Variants in PREX2 observed in about 807,000 individuals in gnomAD.
The protein encoded by PREX2 is phosphatidylinositol-3,4,5-trisphosphate dependent Rac exchange factor 2, also known as phosphatidylinositol 3,4,5-trisphosphate-dependent Rac exchanger 2 protein.
PREX2 carries 107 observed loss-of-function variants against 203.2 expected under a neutral mutation model. The ratio of observed to expected loss-of-function variants is 0.53; its 90% CI spans 0.45 to 0.62. PREX2 has a LOEUF of 0.62. Among genes scored for constraint, PREX2 ranks in the 20% least tolerant of loss-of-function variants. The probability of loss-of-function intolerance (pLI) is 0.00; values close to 1 mark genes in which losing one functional copy is unlikely to be tolerated. For synonymous variants in PREX2, 672 were observed against 663.6 expected (o/e 1.01, Z -0.19); for missense variants, 1,777 against 1,955.9 (o/e 0.91, Z 1.72).
At chr8:67,961,935 G>A (rs1287327556) in intron 1 of PREX2, among the ~76,000 whole-genome samples, 1 of 152,032 alleles carries the variant, frequency 6.6e-6, no homozygotes, top group Non-Finnish European at 1.5e-5. Context: ...TCATTTGAAA[G>A]GTTAAATTGT....
chr8:68,135,914 A>G (rs765702977), intron 32 of PREX2, among the ~76,000 whole-genome samples: 1 of 152,196 alleles, frequency 6.6e-6, no homozygotes, highest in Non-Finnish European at 1.5e-5. Flanking sequence ...TGGAGTACTG[A>G]TACATGCTAC....
At chr8:68,099,126 A>G (rs1005489459) in intron 22 of PREX2, among the ~76,000 whole-genome samples, 3 of 151,966 alleles carry the variant, frequency 2.0e-5, no homozygotes, top group Non-Finnish European at 2.9e-5. Context: ...TAATGCTTTT[A>G]TCAGCAAGAG....
intron 35 of PREX2, among the ~76,000 whole-genome samples, chr8:68,182,445 C>G (rs1423438726): frequency 1.3e-5 from 2 of 151,956 alleles, no homozygotes; most frequent in African/African-American, 4.8e-5. Flanking sequence ...TAAATACTTT[C>G]CTTTAAGTAT....
At chr8:68,058,981 TA>T (rs68011008) in intron 10 of PREX2, among the ~76,000 whole-genome samples, 35 of 145,962 alleles carry the variant, frequency 2.4e-4, no homozygotes, top group African/African-American at 7.7e-4. Context: ...AATAAAAGAA[TA>T]AAAAAAAATT....
At position 68,233,738 on chromosome 8, in the gene PREX2, A is replaced by G. The variant is rs1813214050; in HGVS notation, c.*2360A>G. On this transcript the variant is annotated 3_prime_UTR_variant, in exon 40 of 40. Coordinates refer to ENST00000288368, the MANE Select transcript of PREX2 (RefSeq NM_024870.4). ...CGCCCATTTTTAGAGTTGAGGAACC[A>G]AAGCAAAGAATAACCCAGTGACTTG... is the stretch of plus-strand genomic sequence containing the variant. 1 of 152,186 alleles carries G rather than the reference A, an allele frequency of 6.6e-6. No homozygotes were observed. Among genetic ancestry groups the G allele is most frequent in the Admixed American group, 6.5e-5 (1 of 15,280 alleles). 9.4% of individuals were successfully genotyped at this position (152,186 alleles called of 1,614,324 possible). A position where few individuals can be genotyped will look rare whatever the true frequency, so the allele number is the denominator to read the frequency against.
intron 8 of PREX2, among the ~76,000 whole-genome samples, chr8:68,048,541 A>C (rs1309137222): frequency 6.6e-6 from 1 of 152,032 alleles, no homozygotes; most frequent in Admixed American, 6.6e-5. Context: ...CTCTCCCTTT[A>C]TATATAAATA....
At chr8:67,973,606 G>T (rs10504413) in intron 1 of PREX2, among the ~76,000 whole-genome samples, 33,565 of 151,860 alleles carry the variant, frequency 0.22, 4,794 homozygotes, top group East Asian at 0.54. Flanking sequence ...TTATCTTCTT[G>T]TCACTTCCTA....
At position 68,038,245 on chromosome 8, in the gene PREX2, G is replaced by A. The variant is rs1393403296; in HGVS notation, c.792G>A (p.Val264=). ...CTTCTGGAAATATTCAAGAACGGGT[G>A]TTTTTTCTTTTCGATAATCTTTTGG... ...KISSGNIQER[V]FFLFDNLLVY... The change falls in exon 7 of 40, where the codon GTG becomes GTA. Residue 264 remains valine (V), a synonymous_variant. Transcript: ENST00000288368. 2 of 1,613,728 alleles carry A rather than the reference G, an allele frequency of 1.2e-6. No individual in the cohort carries two copies. The highest frequency in any genetic ancestry group is 1.7e-5 in the Admixed American group (1 of 59,982).
intron 37 of PREX2, among the ~76,000 whole-genome samples, chr8:68,203,011 C>T (rs1812537802): frequency 2.0e-5 from 3 of 152,174 alleles, no homozygotes; most frequent in African/African-American, 7.2e-5. Context: ...CAGCACAGTG[C>T]CCACTCACAT....
intron 35 of PREX2, among the ~76,000 whole-genome samples, chr8:68,181,304 C>T (rs917259374): frequency 1.3e-5 from 2 of 152,132 alleles, no homozygotes; most frequent in African/African-American, 2.4e-5. Context: ...CACAATGTCT[C>T]TAAATACTGC....
At chr8:67,956,503 A>T (rs996974541) in intron 1 of PREX2, among the ~76,000 whole-genome samples, 10 of 152,254 alleles carry the variant, frequency 6.6e-5, no homozygotes, top group Non-Finnish European at 1.3e-4. Flanking sequence ...AGCAGAGCAG[A>T]TACATGAAAG....
At chr8:67,985,865 C>G (rs1049378259) in intron 1 of PREX2, among the ~76,000 whole-genome samples, 2 of 151,988 alleles carry the variant, frequency 1.3e-5, no homozygotes, top group African/African-American at 4.8e-5. Context: ...CCTGTGTTCC[C>G]CACCAGAGCT....
intron 1 of PREX2, among the ~76,000 whole-genome samples, chr8:68,015,302 A>G (rs930983139): frequency 6.6e-6 from 1 of 152,210 alleles, no homozygotes. Context: ...CTCAGCAAAC[A>G]TCTAAAATCT....
At chr8:68,167,161 C>T (rs1471977027) in intron 35 of PREX2, among the ~76,000 whole-genome samples, 2 of 152,016 alleles carry the variant, frequency 1.3e-5, no homozygotes, top group African/African-American at 2.4e-5. Context: ...TTTTAAGCCA[C>T]GATTCACACT....
intron 31 of PREX2, among the ~76,000 whole-genome samples, chr8:68,130,143 A>T (rs11992693): frequency 0.13 from 19,142 of 150,524 alleles, 1,491 homozygotes; most frequent in African/African-American, 0.19. Context: ...ATTAAAAATT[A>T]GCCAGATGTG....
At chr8:68,013,931 T>C (rs1807339023) in intron 1 of PREX2, among the ~76,000 whole-genome samples, 1 of 152,224 alleles carries the variant, frequency 6.6e-6, no homozygotes, top group South Asian at 2.1e-4. Context: ...TATCTAGAAT[T>C]AAAAGTATAA....
intron 35 of PREX2, among the ~76,000 whole-genome samples, chr8:68,179,530 A>C (rs1812044984): frequency 6.6e-6 from 1 of 152,114 alleles, no homozygotes; most frequent in South Asian, 2.1e-4. Context: ...ATAGTAGAAA[A>C]GCAGGTTCAG....
intron 1 of PREX2, among the ~76,000 whole-genome samples, chr8:68,004,085 G>A (rs183198667): frequency 1.3e-5 from 2 of 152,250 alleles, no homozygotes; most frequent in Admixed American, 6.5e-5. Flanking sequence ...TAACTCACCT[G>A]TGGGGAAGTG....
chr8:68,068,944 T>G, intron 11 of PREX2, 89 bp from the exon 12 acceptor site: 1 of 504,230 alleles, frequency 2.0e-6, no homozygotes, highest in Non-Finnish European at 3.3e-6. Flanking sequence ...TTTTAGTATT[T>G]GGGAATAAGT....
Sources: gnomAD v4.1 joint callset for allele counts (sites outside exome capture counted in the v4.1 genomes callset) on GRCh38, gnomAD v4.1.1 for gene constraint, MANE v1.5 for transcripts, NCBI Gene and HGNC (gene_info 2026-07-23, HGNC 2026-07-21) for gene names.